ULK4: variants seen among roughly 807,000 people sequenced by gnomAD.
ULK4 encodes the protein inactive serine/threonine-protein kinase ULK4.
ULK4 carries 133 observed loss-of-function variants against 160.6 expected under a neutral mutation model. That is an observed-to-expected ratio of 0.83 (90% CI 0.72 to 0.96). ULK4 has a LOEUF of 0.96. ULK4 is among the 40% of genes least tolerant of loss of function. The pLI is 0.00. For missense variants in ULK4, 1,580 were observed against 1,499.5 expected (o/e 1.05, Z -0.89); for synonymous variants, 534 against 539.8 (o/e 0.99, Z 0.15).
intron 34 of ULK4, among the ~76,000 whole-genome samples, chr3:41,421,851 T>G: frequency 6.6e-6 from 1 of 152,174 alleles, no homozygotes; most frequent in East Asian, 1.9e-4. Flanking sequence ...TTCTTGAAAA[T>G]TTTGAATGCA....
intron 35 of ULK4, among the ~76,000 whole-genome samples, chr3:41,307,774 G>A (rs1312788893): frequency 2.0e-5 from 3 of 152,108 alleles, no homozygotes; most frequent in African/African-American, 7.2e-5. Context: ...AGATTACAGT[G>A]AGCTATGATT....
chr3:41,676,887 G>A (rs1056454993), intron 29 of ULK4, among the ~76,000 whole-genome samples: 7 of 149,488 alleles, frequency 4.7e-5, no homozygotes, highest in Non-Finnish European at 8.9e-5. Context: ...CTTGCCTGGG[G>A]TGCCTGCCCC....
At chr3:41,770,712 C>T (rs2039326756) in intron 21 of ULK4, among the ~76,000 whole-genome samples, 1 of 152,044 alleles carries the variant, frequency 6.6e-6, no homozygotes, top group Non-Finnish European at 1.5e-5. Flanking sequence ...AGGGTCTCGC[C>T]ATGTTGGCCA....
chr3:41,300,835 G>GAAA (rs1431447773), intron 35 of ULK4, among the ~76,000 whole-genome samples: 1 of 71,464 alleles, frequency 1.4e-5, no homozygotes, highest in African/African-American at 5.5e-5. Context: ...TCATTTTACA[G>GAAA]ATTATATATA....
chr3:41,926,231 A>C (rs1699381038), intron 5 of ULK4, among the ~76,000 whole-genome samples: 1 of 152,232 alleles, frequency 6.6e-6, no homozygotes, highest in South Asian at 2.1e-4. Context: ...CACCTCCAGC[A>C]AACTCCAGCA....
At chr3:41,766,634 G>A (rs1287324019) in intron 21 of ULK4, 1 of 152,212 alleles carries the variant, frequency 6.6e-6, no homozygotes, top group Non-Finnish European at 1.5e-5. Context: ...TGATGTCAAA[G>A]CTGGTTAGAC....
At chr3:41,622,294 T>C (rs1381614173) in intron 30 of ULK4, among the ~76,000 whole-genome samples, 1 of 152,190 alleles carries the variant, frequency 6.6e-6, no homozygotes, top group Non-Finnish European at 1.5e-5. Context: ...TAAAGACACA[T>C]GCACATATAT....
intron 18 of ULK4, among the ~76,000 whole-genome samples, chr3:41,822,294 C>G (rs1024915792): frequency 2.6e-5 from 4 of 152,118 alleles, no homozygotes; most frequent in African/African-American, 9.7e-5. Flanking sequence ...TACGGTGCAC[C>G]AGAAACTCTT....
intron 33 of ULK4, among the ~76,000 whole-genome samples, chr3:41,458,045 T>C (rs1477100412): frequency 6.6e-6 from 1 of 152,162 alleles, no homozygotes; most frequent in East Asian, 1.9e-4. Context: ...TCCAGGTTTC[T>C]GGTTTGCGTG....
intron 20 of ULK4, among the ~76,000 whole-genome samples, chr3:41,796,837 G>A (rs766286): frequency 0.12 from 18,832 of 152,116 alleles, 1,343 homozygotes; most frequent in Middle Eastern, 0.27. Flanking sequence ...GGATTTCTTG[G>A]AGAAATGATT....
intron 32 of ULK4, among the ~76,000 whole-genome samples, chr3:41,484,273 C>T (rs1252060956): frequency 6.6e-6 from 1 of 151,978 alleles, no homozygotes; most frequent in African/African-American, 2.4e-5. Context: ...ATATTAGAGA[C>T]ACCCTATATT....
At chr3:41,643,307 C>T (rs7622642) in intron 30 of ULK4, among the ~76,000 whole-genome samples, 7 of 151,916 alleles carry the variant, frequency 4.6e-5, no homozygotes, top group South Asian at 4.2e-4. Flanking sequence ...TTTTCTTCTA[C>T]GGTTTTTATG....
chr3:41,367,385 C>A (rs73828008), intron 35 of ULK4, among the ~76,000 whole-genome samples: 1 of 152,114 alleles, frequency 6.6e-6, no homozygotes, highest in Non-Finnish European at 1.5e-5. Context: ...GGAACAGGGA[C>A]GGAAGGTTGA....
At chr3:41,534,644 A>G (rs1280531949) in intron 32 of ULK4, among the ~76,000 whole-genome samples, 1 of 152,178 alleles carries the variant, frequency 6.6e-6, no homozygotes, top group African/African-American at 2.4e-5. Context: ...CACTGAACTG[A>G]GGTCCTTACT....
chr3:41,641,169 T>C (rs1050362984), intron 30 of ULK4, among the ~76,000 whole-genome samples: 1 of 152,160 alleles, frequency 6.6e-6, no homozygotes, highest in East Asian at 1.9e-4. Context: ...GCAATATCCA[T>C]TGTCACCCTC....
chr3:41,806,145 AT>A (rs1418584306), intron 19 of ULK4, among the ~76,000 whole-genome samples: 4 of 147,704 alleles, frequency 2.7e-5, no homozygotes, highest in African/African-American at 1.0e-4. Context: ...GCTATTGATT[AT>A]TGCCACAATT....
chr3:41,518,482 C>A (rs2085822768), intron 32 of ULK4, among the ~76,000 whole-genome samples: 1 of 152,090 alleles, frequency 6.6e-6, no homozygotes, highest in Non-Finnish European at 1.5e-5. Context: ...AACACTTCAC[C>A]CATGAAGGTT....
chr3:41,376,218 T>G (rs1246818155), intron 35 of ULK4, among the ~76,000 whole-genome samples: 1 of 150,300 alleles, frequency 6.7e-6, no homozygotes, highest in African/African-American at 2.5e-5. Context: ...AGTGTGGTAA[T>G]TCCTCAAGGA....
chr3:41,647,514 C>T (rs1020801531), intron 30 of ULK4, among the ~76,000 whole-genome samples: 5 of 152,186 alleles, frequency 3.3e-5, no homozygotes, highest in Non-Finnish European at 7.4e-5. Flanking sequence ...AGCGGATTTT[C>T]GCGAACCACA....
Sources: gnomAD v4.1 joint callset for allele counts (sites outside exome capture counted in the v4.1 genomes callset) on GRCh38, gnomAD v4.1.1 for gene constraint, MANE v1.5 for transcripts, NCBI Gene and HGNC (gene_info 2026-07-23, HGNC 2026-07-21) for gene names.